Variants in MCTP1 observed in about 807,000 individuals in gnomAD.
MCTP1 encodes the protein multiple C2 and transmembrane domain-containing protein 1.
Under a neutral mutation model 120.6 loss-of-function variants are expected in MCTP1, and 69 were observed. The ratio of observed to expected loss-of-function variants is 0.57; its 90% CI spans 0.47 to 0.70. MCTP1 has a LOEUF of 0.70. Ranked by LOEUF, MCTP1 falls within the 30% of genes least tolerant of loss-of-function variation. MCTP1 has a pLI of 0.00. For missense variants in MCTP1, 1,203 were observed against 1,248.8 expected, an observed-to-expected ratio of 0.96 and a Z score of 0.55; for synonymous variants, 529 against 493.1, an observed-to-expected ratio of 1.07 and a Z score of -0.96.
chr5:94,842,093 G>A (rs554087445), intron 17 of MCTP1, among the ~76,000 whole-genome samples: 5 of 152,280 alleles, frequency 3.3e-5, no homozygotes, highest in South Asian at 4.1e-4. Flanking sequence ...ACAGTCATAC[G>A]CAACGCTGTT....
chr5:95,054,094 G>C (rs949377331), intron 1 of MCTP1, among the ~76,000 whole-genome samples: 1 of 152,008 alleles, frequency 6.6e-6, no homozygotes, highest in African/African-American at 2.4e-5. Flanking sequence ...ATTCTGTTTT[G>C]CTTTTAGGGA....
chr5:94,880,228 T>C (rs1799758609), intron 12 of MCTP1, among the ~76,000 whole-genome samples: 1 of 152,116 alleles, frequency 6.6e-6, no homozygotes, highest in Non-Finnish European at 1.5e-5. Context: ...ACAAAAGTTG[T>C]TTGGTCTAAA....
chr5:94,950,540 A>G (rs1234259820), intron 3 of MCTP1, among the ~76,000 whole-genome samples: 1 of 152,202 alleles, frequency 6.6e-6, no homozygotes, highest in Admixed American at 6.5e-5. Context: ...ATATATGCAG[A>G]CTATATATAT....
At chr5:94,858,245 T>C (rs1156669991) in intron 17 of MCTP1, among the ~76,000 whole-genome samples, 1 of 151,644 alleles carries the variant, frequency 6.6e-6, no homozygotes, top group Non-Finnish European at 1.5e-5. Context: ...CAAATGATAT[T>C]TCTTGTCTAA....
At chr5:94,981,877 T>C (rs577977425) in intron 2 of MCTP1, among the ~76,000 whole-genome samples, 2 of 152,236 alleles carry the variant, frequency 1.3e-5, no homozygotes, top group Admixed American at 6.5e-5. Flanking sequence ...TGGGGCTCTG[T>C]AGGCCCTTAG....
At chr5:94,976,224 T>C (rs1828064614) in intron 2 of MCTP1, among the ~76,000 whole-genome samples, 1 of 152,128 alleles carries the variant, frequency 6.6e-6, no homozygotes, top group African/African-American at 2.4e-5. Flanking sequence ...TGGCATTCAC[T>C]GTAATTCCTA....
chr5:94,783,977 T>C (rs1218789717), intron 18 of MCTP1, among the ~76,000 whole-genome samples: 1 of 152,084 alleles, frequency 6.6e-6, no homozygotes, highest in Non-Finnish European at 1.5e-5. Flanking sequence ...AAATGAATAG[T>C]TGCACAACTC....
rs543979031 is a variant in MCTP1, at chr5:95,166,663, G to A, written c.720+117193C>T. Among the ~76,000 whole-genome samples, 129 of 150,978 alleles carry A rather than the reference G, an allele frequency of 8.5e-4. 2 individuals are homozygous for A. The highest frequency in any genetic ancestry group is 2.9e-3 in the African/African-American group (119 of 40,998). On this transcript the variant is annotated intron_variant, in intron 1 of 22. Transcript: ENST00000515393. ...GCTCACTGCAAGCTCTGCCTCCCGG[G>A]TTCACGCCATTCTCCTGCCTCACCC... is the stretch of plus-strand genomic sequence containing the variant.
intron 19 of MCTP1, among the ~76,000 whole-genome samples, chr5:94,764,399 C>T (rs575746709): frequency 3.9e-5 from 6 of 152,212 alleles, no homozygotes; most frequent in South Asian, 2.1e-4. Context: ...TTGTTTACTT[C>T]GAGTCTGTAA....
At chr5:94,939,157 G>T (rs772562931) in intron 5 of MCTP1, among the ~76,000 whole-genome samples, 4 of 152,016 alleles carry the variant, frequency 2.6e-5, no homozygotes, top group Non-Finnish European at 5.9e-5. Context: ...TGAGTTTAAA[G>T]TATTTCCAAA....
intron 17 of MCTP1, among the ~76,000 whole-genome samples, chr5:94,852,944 T>C (rs966923761): frequency 2.0e-5 from 3 of 152,018 alleles, no homozygotes; most frequent in African/African-American, 7.2e-5. Flanking sequence ...TTGTTCACTA[T>C]TTTCAAAGCC....
intron 19 of MCTP1, among the ~76,000 whole-genome samples, chr5:94,767,574 G>A (rs1203673346): frequency 6.6e-6 from 1 of 152,062 alleles, no homozygotes; most frequent in Non-Finnish European, 1.5e-5. Context: ...ATTGTAGGAT[G>A]CAAAATCAAC....
chr5:94,861,542 C>G (rs1795782995), intron 17 of MCTP1, among the ~76,000 whole-genome samples: 1 of 151,836 alleles, frequency 6.6e-6, no homozygotes, highest in Non-Finnish European at 1.5e-5. Context: ...ATTATTCCTA[C>G]TTTACAACAT....
chr5:94,926,445 T>C (rs1370077405), intron 6 of MCTP1, among the ~76,000 whole-genome samples: 1 of 152,126 alleles, frequency 6.6e-6, no homozygotes, highest in Non-Finnish European at 1.5e-5. Flanking sequence ...TTGCAATCAC[T>C]GTTCATCAAA....
At chr5:95,167,311 A>T (rs1216458902) in intron 1 of MCTP1, among the ~76,000 whole-genome samples, 7 of 152,232 alleles carry the variant, frequency 4.6e-5, no homozygotes, top group South Asian at 2.1e-4. Flanking sequence ...TCTATCATTG[A>T]TGGACATTTG....
At chr5:94,908,661 CAT>C (rs1435662149) in intron 10 of MCTP1, among the ~76,000 whole-genome samples, 2 of 151,642 alleles carry the variant, frequency 1.3e-5, no homozygotes, top group Admixed American at 6.6e-5. Flanking sequence ...ATTAAGAAAA[CAT>C]ATGATTCAAG....
chr5:94,816,191 T>C (rs1479819526), intron 17 of MCTP1, among the ~76,000 whole-genome samples: 1 of 152,148 alleles, frequency 6.6e-6, no homozygotes, highest in African/African-American at 2.4e-5. Context: ...GTTTGCCAAG[T>C]GTATACATGG....
At chr5:95,205,558 A>G (rs1324963730) in intron 1 of MCTP1, among the ~76,000 whole-genome samples, 2 of 152,180 alleles carry the variant, frequency 1.3e-5, no homozygotes, top group African/African-American at 4.8e-5. Context: ...GGCACCCCAC[A>G]GAACAGGAAA....
chr5:95,142,659 C>A (rs189102774), intron 1 of MCTP1, among the ~76,000 whole-genome samples: 18 of 152,166 alleles, frequency 1.2e-4, no homozygotes, highest in African/African-American at 3.9e-4. Flanking sequence ...TTTTTAAGAA[C>A]TTAATAAAAA....
Sources: allele counts gnomAD v4.1 joint callset (sites outside exome capture counted in the v4.1 genomes callset), GRCh38; gene constraint gnomAD v4.1.1; transcripts MANE v1.5; gene names NCBI Gene and HGNC (gene_info 2026-07-23, HGNC 2026-07-21).